CFAP74: variants seen among roughly 807,000 people sequenced by gnomAD.
CFAP74 encodes cilia- and flagella-associated protein 74.
Under a neutral mutation model 188.9 loss-of-function variants are expected in CFAP74, and 124 were observed. The ratio of observed to expected loss-of-function variants is 0.66; its 90% CI spans 0.57 to 0.76. CFAP74 has a LOEUF of 0.76. Ranked by LOEUF, CFAP74 falls within the 30% of genes least tolerant of loss-of-function variation. CFAP74 has a pLI of 0.00. For synonymous variants in CFAP74, 956 were observed against 916.7 expected, an observed-to-expected ratio of 1.04 and a Z score of -0.77; for missense variants, 2,198 against 2,165.2, an observed-to-expected ratio of 1.02 and a Z score of -0.30.
Position 1,926,634 on chromosome 1 carries a change from C to A in CFAP74, c.3772+18G>T. 6.5e-7 allele frequency: 1 copy of A among 1,546,198 alleles called. No homozygotes were observed. The highest frequency in any genetic ancestry group is 8.7e-7 in the Non-Finnish European group (1 of 1,143,306). ...CTGGGCACCGGGGTGGAGGTGTGGG[C>A]GGGGCTTAGCGTCTCACCCACAGCG... is the stretch of plus-strand genomic sequence containing the variant. On this transcript the variant is annotated intron_variant, in intron 30 of 38. Coordinates refer to ENST00000682832, the MANE Select transcript of CFAP74 (RefSeq NM_001304360.2).
At chr1:1,993,935 T>C (rs1657768169) in intron 1 of CFAP74, among the ~76,000 whole-genome samples, 1 of 149,822 alleles carries the variant, frequency 6.7e-6, no homozygotes. Flanking sequence ...TGAGCCGAGA[T>C]CACACCACTG....
chr1:1,936,052 T>C (rs542628537), intron 25 of CFAP74, among the ~76,000 whole-genome samples: 2 of 150,666 alleles, frequency 1.3e-5, no homozygotes, highest in Admixed American at 6.6e-5. Flanking sequence ...ACCCTGTCAC[T>C]ACTAAAAATA....
intron 6 of CFAP74, among the ~76,000 whole-genome samples, chr1:1,981,563 A>ACG (rs1558055364): frequency 3.5e-4 from 25 of 71,402 alleles, no homozygotes; most frequent in African/African-American, 1.4e-3. Context: ...CGGGGGGCAC[A>ACG]CAGGACACCC....
rs544372728 is a variant in CFAP74 at position 1,979,062 on chromosome 1, G to A, written c.501-4864C>T. 9.4e-4 allele frequency among the ~76,000 whole-genome samples: 133 copies of A among 141,176 alleles called. 4 individuals carry two copies. Among genetic ancestry groups the A allele is most frequent in the Middle Eastern group, 3.7e-3 (1 of 270 alleles). The allele number at this position is 141,176 out of a possible 152,430, so 92.6% of individuals were successfully genotyped here. Reference sequence around the variant, plus strand: ...AGGCGTCATGTGACGAGGCTGCACAGAACATGCGTGTGGTACTGAGCTGGG... The same window carrying A: ...AGGCGTCATGTGACGAGGCTGCACAAAACATGCGTGTGGTACTGAGCTGGG... On this transcript the variant is annotated intron_variant, in intron 6 of 38. Coordinates refer to ENST00000682832, the MANE Select transcript of CFAP74 (RefSeq NM_001304360.2).
intron 33 of CFAP74, among the ~76,000 whole-genome samples, chr1:1,925,200 G>A (rs1264259593): frequency 1.4e-5 from 2 of 141,006 alleles, no homozygotes; most frequent in East Asian, 4.3e-4. Context: ...GAGGGCACAT[G>A]GGGCAGCGTG....
Position 1,926,309 on chromosome 1 carries a change from G to A in CFAP74, c.3867C>T (p.Val1289=), listed in dbSNP as rs1651887855. The A allele has an allele frequency of 1.3e-6, 2 of 1,547,714 alleles. No homozygotes were observed. The highest frequency in any genetic ancestry group is 1.7e-6 in the Non-Finnish European group (2 of 1,145,402). Residue 1289 remains valine, a synonymous_variant, in exon 32 of 39, where the codon GTC becomes GTT. Coordinates refer to ENST00000682832, the MANE Select transcript of CFAP74 (RefSeq NM_001304360.2). The stretch of plus-strand genomic sequence containing the variant: ...GCAGCAGGCTGGAGTGGTTCAGCAG[G>A]ACAAAGGGGCCGTTGGGGTTCAGCA... ...FSLLNPNGPF[V]LLNHSSLLRA...
In CFAP74 at chr1:1,974,212, G is replaced by T; in HGVS notation, c.501-14C>A. 1 of 1,580,476 alleles carries T rather than the reference G, an allele frequency of 6.3e-7. No homozygotes were observed. On this transcript the variant is annotated splice_polypyrimidine_tract_variant and intron_variant, in intron 6 of 38. Transcript: ENST00000682832. ...CACATGGTGTTCCTTCAAACAAGAG[G>T]CAAAGCAGCTGGAGACGGGCCCCAC...
In CFAP74 at chr1:1,944,590, TTCATA is replaced by T. The variant is rs369979389; in HGVS notation, c.2365-143_2365-139del. ...ACTCTTTGGGACGGCTGTGGCACTTTTCATATCATATCATTCAAAATATTCTTTTT... is the reference window on the plus strand; with the variant it reads ...ACTCTTTGGGACGGCTGTGGCACTTTTCATATCATTCAAAATATTCTTTTT... On this transcript the variant is annotated intron_variant, in intron 20 of 38. Transcript: ENST00000682832. 418 of 834,436 alleles carry T rather than the reference TTCATA, an allele frequency of 5.0e-4. 2 individuals carry two copies. The African/African-American group carries it at 5.9e-3, about 12-fold the overall frequency. 51.7% of individuals were successfully genotyped at this position (834,436 alleles called of 1,614,324 possible). A position where few individuals can be genotyped will look rare whatever the true frequency, so the allele number is the denominator to read the frequency against.
chr1:1,991,810 T>A (rs183678276), intron 1 of CFAP74, among the ~76,000 whole-genome samples: 1 of 151,836 alleles, frequency 6.6e-6, no homozygotes, highest in Non-Finnish European at 1.5e-5. Context: ...GAGGCCAAGG[T>A]GGGCGGATCA....
In CFAP74 at chr1:1,968,930, C is replaced by CA. The variant is rs1655680894; in HGVS notation, c.1047-98_1047-97insT. The CA allele has an allele frequency of 1.5e-6, 1 of 680,840 alleles. No individual in the cohort carries two copies. Among genetic ancestry groups the CA allele is most frequent in the African/African-American group, 2.2e-5 (1 of 45,622 alleles). The allele number at this position is 680,840 out of a possible 1,614,324, so 42.2% of individuals were successfully genotyped here. A position where few individuals can be genotyped will look rare whatever the true frequency, so the allele number is the denominator to read the frequency against. ...CCGGCGGCCCCTCCCTAGCGCCCTCCTGGGGGCTCCGGTCCTGCCCAGCAG... is the reference window on the plus strand; with the variant it reads ...CCGGCGGCCCCTCCCTAGCGCCCTCCATGGGGGCTCCGGTCCTGCCCAGCAG... On this transcript the variant is annotated intron_variant, in intron 10 of 38. Coordinates refer to ENST00000682832, the MANE Select transcript of CFAP74 (RefSeq NM_001304360.2). The surrounding 1 kb of genome is among the most constrained non-coding windows in gnomAD (Gnocchi z 4.3).
chr1:1,939,847 C>T, intron 23 of CFAP74, 80 bp from the exon 24 acceptor site: 1 of 1,338,214 alleles, frequency 7.5e-7, no homozygotes, highest in Non-Finnish European at 1.0e-6. Flanking sequence ...GGCGCAACCA[C>T]TGCTGCTGCC....
At chr1:1,971,893 CG>C in intron 9 of CFAP74, 86 bp downstream of exon 9, 1 of 1,045,718 alleles carries the variant, frequency 9.6e-7, no homozygotes. Context: ...CCAGAGGACA[CG>C]GGCCTGGCTC....
At chr1:1,949,929 C>T (rs1180115868) in intron 18 of CFAP74, among the ~76,000 whole-genome samples, 1 of 152,160 alleles carries the variant, frequency 6.6e-6, no homozygotes, top group Admixed American at 6.5e-5. Flanking sequence ...ACGCGTGGGA[C>T]ATTAGAGTTG....
rs1654885254 is a variant in CFAP74 at position 1,959,208 on chromosome 1, A to T, written c.1763T>A (p.Ile588Lys). ...CEVLVTFKPM[I>K]NKDLEGNISF... ...GATATTTCCTTCTAGATCCTTGTTT[A>T]TCTAAAACATAAAACAACCCCCACC... The change falls in exon 16 of 39, where the codon ATA becomes AAA. Residue 588 changes from isoleucine to lysine, a missense_variant and splice_region_variant. Transcript: ENST00000682832. 6.2e-7 allele frequency: 1 copy of T among 1,602,690 alleles called. No homozygotes were observed. The highest frequency in any genetic ancestry group is 1.3e-5 in the African/African-American group (1 of 74,680).
chr1:1,994,623 T>C (rs578106767), intron 1 of CFAP74, among the ~76,000 whole-genome samples: 1 of 152,352 alleles, frequency 6.6e-6, no homozygotes, highest in South Asian at 2.1e-4. Context: ...GCCAAACCTA[T>C]TCAGCTCTGT....
At chr1:1,924,750 T>G (rs1463357397) in intron 33 of CFAP74, among the ~76,000 whole-genome samples, 1 of 152,124 alleles carries the variant, frequency 6.6e-6, no homozygotes, top group Non-Finnish European at 1.5e-5. Flanking sequence ...CTGCCTAGGG[T>G]GCGTGGACAG....
rs1164637377 is a variant in CFAP74 at position 1,963,736 on chromosome 1, G to A, written c.1694+13C>T. ...CTGCACCGCGTCCCTCCCTGTCTGA[G>A]CCGTCCTCTTACTCAACGTGGATGA... is the stretch of plus-strand genomic sequence containing the variant. On this transcript the variant is annotated intron_variant, in intron 14 of 38. Coordinates refer to ENST00000682832, the MANE Select transcript of CFAP74 (RefSeq NM_001304360.2). 5 of 1,572,750 alleles carry A rather than the reference G, an allele frequency of 3.2e-6. No homozygotes were observed. The highest frequency in any genetic ancestry group is 4.4e-6 in the Non-Finnish European group (5 of 1,143,476).
intron 12 of CFAP74, 22 bp downstream of exon 12, chr1:1,966,349 C>T: frequency 6.7e-7 from 1 of 1,487,240 alleles, no homozygotes; most frequent in Non-Finnish European, 9.0e-7. Context: ...CTGCAAGCGT[C>T]TAAAGGAGCA....
intron 9 of CFAP74, among the ~76,000 whole-genome samples, chr1:1,971,065 A>G (rs1407310420): frequency 1.4e-5 from 2 of 141,672 alleles, no homozygotes; most frequent in African/African-American, 2.9e-5. Flanking sequence ...ATGCTCACAC[A>G]CGCACACCTG....
Sources: gnomAD v4.1 joint callset for allele counts (sites outside exome capture counted in the v4.1 genomes callset) on GRCh38, gnomAD v4.1.1 for gene constraint, Gnocchi (gnomAD v3.1) non-coding constraint, MANE v1.5 for transcripts, NCBI Gene and HGNC (gene_info 2026-07-23, HGNC 2026-07-21) for gene names.